The following ZHX3 variants were observed in gnomAD, a reference collection of about 807,000 sequenced individuals.
The protein encoded by ZHX3 is zinc fingers and homeoboxes protein 3.
A neutral mutation model predicts 64.5 loss-of-function variants in ZHX3; 20 were observed. That is an observed-to-expected ratio of 0.31 (90% confidence interval 0.22 to 0.45). ZHX3 has a LOEUF of 0.45. Ranked by LOEUF, ZHX3 falls within the 20% of genes least tolerant of loss-of-function variation. The pLI is 1.00. For synonymous variants in ZHX3, 423 were observed against 461.6 expected (o/e 0.92, Z 1.07); for missense variants, 1,041 against 1,195.8 (o/e 0.87, Z 1.91).
At position 41,219,131 on chromosome 20, in the gene ZHX3, G is replaced by A. The variant is rs570028908; in HGVS notation, c.-150-14065C>T. The stretch of plus-strand genomic sequence containing the variant: ...TTTTTATTAGAGACGGGTTTTCACC[G>A]TGTTAGCGAGCATGGTCTCGATCTC... On this transcript the variant is annotated intron_variant, in intron 2 of 3. Transcript: ENST00000683867. The surrounding 1 kb of genome is among the most constrained non-coding windows in gnomAD (Gnocchi z 5.0). 8.6e-4 allele frequency among the ~76,000 whole-genome samples: 130 copies of A among 151,836 alleles called. No individual in the cohort carries two copies. Among genetic ancestry groups the A allele is most frequent in the African/African-American group, 2.7e-3 (112 of 41,402 alleles).
In ZHX3 at chr20:41,181,798, CAT is replaced by C. The variant is rs1374742269; in HGVS notation, c.*3391_*3392del. On this transcript the variant is annotated 3_prime_UTR_variant, in exon 4 of 4. Coordinates refer to ENST00000683867, the MANE Select transcript of ZHX3 (RefSeq NM_001384317.1). The stretch of plus-strand genomic sequence containing the variant: ...CTAGCTGGAGATGAGACCACTAGTA[CAT>C]GTGTGAGCCCGCAAGGCACTACCCA... The C allele has an allele frequency of 6.6e-6, 1 of 152,270 alleles. No individual in the cohort carries two copies. The highest frequency in any genetic ancestry group is 2.4e-5 in the African/African-American group (1 of 41,460). 9.4% of individuals were successfully genotyped at this position (152,270 alleles called of 1,614,324 possible). A position where few individuals can be genotyped will look rare whatever the true frequency, so the allele number is the denominator to read the frequency against.
intron 3 of ZHX3, among the ~76,000 whole-genome samples, chr20:41,187,833 T>G (rs533744015): frequency 6.6e-6 from 1 of 152,354 alleles, no homozygotes; most frequent in Admixed American, 6.5e-5. Flanking sequence ...TGTGAATATT[T>G]TTTACATGCA....
At chr20:41,225,623 G>C (rs923512385) in intron 2 of ZHX3, among the ~76,000 whole-genome samples, 11 of 152,134 alleles carry the variant, frequency 7.2e-5, no homozygotes, top group Non-Finnish European at 1.0e-4. Flanking sequence ...GAGTAGCTGG[G>C]ATTATAGGCA....
At chr20:41,315,584 GTTTAC>G (rs539649065) in intron 1 of ZHX3, among the ~76,000 whole-genome samples, 14 of 152,056 alleles carry the variant, frequency 9.2e-5, no homozygotes, top group African/African-American at 1.4e-4. Context: ...GGCCTTCAGA[GTTTAC>G]TTTAAGACAA....
At chr20:41,231,915 T>C (rs1174452654) in intron 2 of ZHX3, among the ~76,000 whole-genome samples, 1 of 152,182 alleles carries the variant, frequency 6.6e-6, no homozygotes, top group African/African-American at 2.4e-5. Flanking sequence ...AGTGAAAAGA[T>C]GGTAAAGCAC....
chr20:41,295,777 G>T (rs1461590897), intron 1 of ZHX3, among the ~76,000 whole-genome samples: 1 of 151,996 alleles, frequency 6.6e-6, no homozygotes, highest in Non-Finnish European at 1.5e-5. Context: ...CCTGAACCCG[G>T]GAGGCGGAGC....
chr20:41,305,357 T>C (rs1446283192), intron 1 of ZHX3, among the ~76,000 whole-genome samples: 1 of 151,998 alleles, frequency 6.6e-6, no homozygotes, highest in Non-Finnish European at 1.5e-5. Flanking sequence ...GCCAGGCATG[T>C]TGGTGCACAC....
At chr20:41,270,374 C>CAA (rs71193635) in intron 1 of ZHX3, among the ~76,000 whole-genome samples, 8 of 83,564 alleles carry the variant, frequency 9.6e-5, no homozygotes, top group Non-Finnish European at 1.4e-4. Flanking sequence ...AAACTCCGTC[C>CAA]AAAAAAAAAA....
chr20:41,194,150 C>A (rs1302645860), intron 3 of ZHX3, among the ~76,000 whole-genome samples: 1 of 152,128 alleles, frequency 6.6e-6, no homozygotes, highest in African/African-American at 2.4e-5. Context: ...CAAAACTGGG[C>A]ATCTTTATTT....
intron 2 of ZHX3, among the ~76,000 whole-genome samples, chr20:41,263,537 C>T (rs574041941): frequency 1.3e-5 from 2 of 151,544 alleles, no homozygotes; most frequent in African/African-American, 2.4e-5. Flanking sequence ...TGGGACTACA[C>T]GTGTATGCCA....
chr20:41,255,442 C>T (rs1276962214), intron 2 of ZHX3, among the ~76,000 whole-genome samples: 3 of 152,192 alleles, frequency 2.0e-5, no homozygotes, highest in East Asian at 1.9e-4. Flanking sequence ...TGAGCTACCA[C>T]GCCCGGCAAA....
At chr20:41,298,075 CT>C (rs11478074) in intron 1 of ZHX3, among the ~76,000 whole-genome samples, 21,326 of 148,274 alleles carry the variant, frequency 0.14, 1,709 homozygotes, top group Non-Finnish European at 0.17. Flanking sequence ...TCATCCAATT[CT>C]TTTTTTTTTT....
intron 1 of ZHX3, among the ~76,000 whole-genome samples, chr20:41,294,609 C>A (rs1235392489): frequency 6.6e-6 from 1 of 152,068 alleles, no homozygotes; most frequent in East Asian, 1.9e-4. Flanking sequence ...GTGATCCATC[C>A]ACCTCAGCCT....
chr20:41,266,547 CTT>C (rs56086714), intron 2 of ZHX3, among the ~76,000 whole-genome samples: 61,754 of 140,420 alleles, frequency 0.44, 15,380 homozygotes, highest in East Asian at 0.81. Context: ...CCCAATCTTT[CTT>C]TTTTTTTTTT....
chr20:41,281,924 T>C (rs967668102), intron 1 of ZHX3, among the ~76,000 whole-genome samples: 6 of 152,210 alleles, frequency 3.9e-5, no homozygotes, highest in African/African-American at 1.4e-4. Context: ...AGAAGGCTAT[T>C]GCAGAAGTCC....
At chr20:41,272,089 G>C (rs576209039) in intron 1 of ZHX3, 54 of 152,194 alleles carry the variant, frequency 3.5e-4, no homozygotes, top group Non-Finnish European at 6.2e-4. Context: ...GACCAATGTG[G>C]TCTGATAAAT....
At position 41,307,159 on chromosome 20, in the gene ZHX3, A is replaced by C. The variant is rs375870510; in HGVS notation, c.-245+10350T>G. Among the ~76,000 whole-genome samples the C allele has an allele frequency of 3.5e-4, 54 of 152,344 alleles. 1 individual carries two copies. In the East Asian group the frequency reaches 4.8e-3, roughly 14 times the overall value. On this transcript the variant is annotated intron_variant, in intron 1 of 3. Coordinates refer to ENST00000683867, the MANE Select transcript of ZHX3 (RefSeq NM_001384317.1). ...AAAGAGCCACTCTGGACATGGCTTC[A>C]CAGGCTTTCTGTAAAACCATCTGTG... is the stretch of plus-strand genomic sequence containing the variant.
At chr20:41,266,497 C>G (rs1480740550) in intron 2 of ZHX3, among the ~76,000 whole-genome samples, 4 of 152,010 alleles carry the variant, frequency 2.6e-5, no homozygotes, top group Non-Finnish European at 4.4e-5. Flanking sequence ...TCTTTCAGGT[C>G]ACCTCTCACC....
At chr20:41,301,904 AT>A (rs2044824856) in intron 1 of ZHX3, among the ~76,000 whole-genome samples, 1 of 151,234 alleles carries the variant, frequency 6.6e-6, no homozygotes, top group South Asian at 2.1e-4. Flanking sequence ...AATACAAAAA[AT>A]TAGCCGGGCG....
Sources: gnomAD v4.1 joint callset for allele counts (sites outside exome capture counted in the v4.1 genomes callset) on GRCh38, gnomAD v4.1.1 for gene constraint, Gnocchi (gnomAD v3.1) non-coding constraint, MANE v1.5 for transcripts, NCBI Gene and HGNC (gene_info 2026-07-23, HGNC 2026-07-21) for gene names.